SWT1: variants seen among roughly 807,000 people sequenced by gnomAD.
SWT1 encodes the protein SWT1 RNA endoribonuclease homolog.
Under a neutral mutation model 107.3 loss-of-function variants are expected in SWT1, and 33 were observed. The observed-to-expected ratio is 0.31, with a 90% CI of 0.23 to 0.41. The LOEUF (loss-of-function observed/expected upper bound fraction) is 0.41. Ranked by LOEUF, SWT1 falls within the 10% of genes least tolerant of loss-of-function variation. The pLI is 1.00. For missense variants in SWT1, 898 were observed against 1,028.9 expected (o/e 0.87, Z 1.74); for synonymous variants, 345 against 348.3 (o/e 0.99, Z 0.11).
rs1659696561 is a variant in SWT1, at chr1:185,222,051, G to A, written c.2309+15G>A. ...TATCAGAACAGGTACTAAATTTGGG[G>A]GAATTTTTTTTTAGTTATTTTTTAA... On this transcript the variant is annotated intron_variant, in intron 15 of 18. Transcript: ENST00000367500. The A allele has an allele frequency of 6.9e-7, 1 of 1,456,856 alleles. No homozygotes were observed. The highest frequency in any genetic ancestry group is 2.5e-5 in the East Asian group (1 of 39,434). The allele number at this position is 1,456,856 out of a possible 1,614,324, so 90.2% of individuals were successfully genotyped here. A position where few individuals can be genotyped will look rare whatever the true frequency, so the allele number is the denominator to read the frequency against.
chr1:185,282,101 G>T (rs1056641334), intron 18 of SWT1, among the ~76,000 whole-genome samples: 2 of 152,106 alleles, frequency 1.3e-5, no homozygotes, highest in African/African-American at 2.4e-5. Flanking sequence ...AACATTTTTG[G>T]TACTCATTCT....
chr1:185,271,089 G>C (rs1663823274), intron 16 of SWT1, among the ~76,000 whole-genome samples: 1 of 152,158 alleles, frequency 6.6e-6, no homozygotes, highest in African/African-American at 2.4e-5. Context: ...TTGATTAATT[G>C]ATGTTATAAG....
intron 16 of SWT1, among the ~76,000 whole-genome samples, chr1:185,267,962 C>G (rs1367243289): frequency 6.6e-6 from 1 of 152,206 alleles, no homozygotes; most frequent in Non-Finnish European, 1.5e-5. Context: ...ATATTTTCAA[C>G]AAGCTGTATT....
intron 10 of SWT1, among the ~76,000 whole-genome samples, chr1:185,194,422 A>G (rs1057215703): frequency 6.6e-6 from 1 of 151,792 alleles, no homozygotes; most frequent in African/African-American, 2.4e-5. Flanking sequence ...ACTTATTTAT[A>G]CTTTTTTGAA....
chr1:185,205,193 C>G (rs946974650), intron 12 of SWT1, among the ~76,000 whole-genome samples: 3 of 152,076 alleles, frequency 2.0e-5, no homozygotes, highest in African/African-American at 4.8e-5. Context: ...TAAGGAATCT[C>G]TCTAGCAATA....
chr1:185,287,834 G>T (rs1026992415), intron 18 of SWT1, among the ~76,000 whole-genome samples: 1 of 152,222 alleles, frequency 6.6e-6, no homozygotes, highest in African/African-American at 2.4e-5. Context: ...GCTACAGGAA[G>T]CAAAATCTGT....
intron 11 of SWT1, among the ~76,000 whole-genome samples, chr1:185,203,004 A>C (rs530227846): frequency 4.2e-4 from 64 of 152,338 alleles, no homozygotes; most frequent in African/African-American, 1.5e-3. Context: ...TACCTTCTAT[A>C]TGTACTTTTA....
chr1:185,198,750 CTGTTTTTTTT>C (rs755256262), intron 10 of SWT1, among the ~76,000 whole-genome samples: 1 of 149,008 alleles, frequency 6.7e-6, no homozygotes, highest in African/African-American at 2.5e-5. Context: ...ATTGCAACCC[CTGTTTTTTTT>C]TGTTTTTTTT....
At chr1:185,251,746 AT>A (rs1471887099) in intron 16 of SWT1, among the ~76,000 whole-genome samples, 2 of 151,386 alleles carry the variant, frequency 1.3e-5, no homozygotes, top group East Asian at 3.9e-4. Flanking sequence ...TATCTATCCA[AT>A]CAGACAATTT....
At chr1:185,209,047 C>T (rs981472862) in intron 13 of SWT1, among the ~76,000 whole-genome samples, 2 of 151,766 alleles carry the variant, frequency 1.3e-5, no homozygotes, top group Admixed American at 6.6e-5. Flanking sequence ...GTGATAAACC[C>T]GGTTTAGAAA....
chr1:185,243,141 C>T (rs555656615), intron 16 of SWT1, among the ~76,000 whole-genome samples: 6 of 152,134 alleles, frequency 3.9e-5, no homozygotes, highest in Non-Finnish European at 8.8e-5. Flanking sequence ...CAGGGTTTCA[C>T]TCGGATGCCC....
intron 2 of SWT1, among the ~76,000 whole-genome samples, chr1:185,161,605 G>A (rs987167683): frequency 1.3e-5 from 2 of 152,074 alleles, no homozygotes; most frequent in Non-Finnish European, 2.9e-5. Context: ...AGCTGAGGTG[G>A]GAGGAGAATC....
intron 15 of SWT1, among the ~76,000 whole-genome samples, chr1:185,223,813 C>T (rs949552382): frequency 1.1e-4 from 17 of 152,126 alleles, no homozygotes; most frequent in Non-Finnish European, 1.9e-4. Context: ...TTCCACCCTC[C>T]AATAGGCCCC....
chr1:185,217,244 A>G (rs923212105), intron 14 of SWT1, among the ~76,000 whole-genome samples: 3 of 152,146 alleles, frequency 2.0e-5, no homozygotes, highest in African/African-American at 7.2e-5. Context: ...AGTCCTTTAA[A>G]ACAGGGGTCC....
At chr1:185,229,923 G>A (rs1026839424) in intron 15 of SWT1, among the ~76,000 whole-genome samples, 3 of 152,082 alleles carry the variant, frequency 2.0e-5, no homozygotes, top group Non-Finnish European at 4.4e-5. Flanking sequence ...GGGGTTTGGC[G>A]GGGCAAGAGG....
At chr1:185,210,937 C>T (rs988157231) in intron 13 of SWT1, among the ~76,000 whole-genome samples, 9 of 152,120 alleles carry the variant, frequency 5.9e-5, no homozygotes, top group African/African-American at 2.2e-4. Flanking sequence ...CGTGAACTGC[C>T]ATTCACAATT....
chr1:185,197,856 G>A (rs1657527807), intron 10 of SWT1, among the ~76,000 whole-genome samples: 1 of 152,020 alleles, frequency 6.6e-6, no homozygotes, highest in Non-Finnish European at 1.5e-5. Flanking sequence ...AGTCTGGCTA[G>A]CAGTCTGTTT....
At chr1:185,172,904 C>T (rs986512586) in intron 4 of SWT1, among the ~76,000 whole-genome samples, 5 of 151,848 alleles carry the variant, frequency 3.3e-5, no homozygotes, top group East Asian at 3.9e-4. Context: ...ACTAGCCGGG[C>T]GTGGTGGTGT....
At chr1:185,230,418 T>C (rs1441704561) in intron 15 of SWT1, among the ~76,000 whole-genome samples, 3 of 152,212 alleles carry the variant, frequency 2.0e-5, no homozygotes, top group African/African-American at 4.8e-5. Context: ...CTTCTGGTAG[T>C]TGCCAGCAGT....
Sources: gnomAD v4.1 joint callset for allele counts (sites outside exome capture counted in the v4.1 genomes callset) on GRCh38, gnomAD v4.1.1 for gene constraint, MANE v1.5 for transcripts, NCBI Gene and HGNC (gene_info 2026-07-23, HGNC 2026-07-21) for gene names.